The following CASK variants were observed in gnomAD, a reference collection of about 807,000 sequenced individuals.
CASK encodes calcium/calmodulin dependent serine protein kinase.
In CASK, 4 loss-of-function variants were observed where a neutral mutation model predicts 82.9. The observed-to-expected ratio is 0.05, with a 90% CI of 0.02 to 0.11. CASK has a LOEUF of 0.11. CASK is among the 10% of genes least tolerant of loss of function. CASK has a pLI of 1.00. For synonymous variants in CASK, 259 were observed against 253.5 expected (o/e 1.02, Z -0.20); for missense variants, 358 against 720.9 (o/e 0.50, Z 5.76).
At chrX:41,525,011 T>C (rs2147070546) in intron 25 of CASK, among the ~76,000 whole-genome samples, 1 of 111,853 alleles carries the variant, frequency 8.9e-6, no homozygotes, top group South Asian at 3.8e-4. Flanking sequence ...GTCTTTAAAT[T>C]TGCTTGCTTC....
intron 16 of CASK, among the ~76,000 whole-genome samples, chrX:41,568,999 A>C (rs1440906734): frequency 9.0e-6 from 1 of 111,451 alleles, no homozygotes; most frequent in Non-Finnish European, 1.9e-5. Context: ...GTCTCAAAAA[A>C]AACCCCCACA....
intron 8 of CASK, among the ~76,000 whole-genome samples, chrX:41,654,844 T>C (rs943809303): frequency 1.8e-5 from 2 of 111,098 alleles, no homozygotes; most frequent in African/African-American, 3.3e-5. Flanking sequence ...TTTGGAGAAA[T>C]TGAAAAAGTC....
chrX:41,906,543 C>T (rs1163846250), intron 1 of CASK, among the ~76,000 whole-genome samples: 1 of 112,422 alleles, frequency 8.9e-6, no homozygotes, highest in Admixed American at 9.4e-5. Context: ...AAGTAGCACC[C>T]GGCTCCTAAG....
chrX:41,566,465 T>C (rs1464431407), intron 16 of CASK, among the ~76,000 whole-genome samples: 1 of 111,619 alleles, frequency 9.0e-6, no homozygotes, highest in Non-Finnish European at 1.9e-5. Flanking sequence ...AGCCAAATCA[T>C]GAGTGAACTC....
At chrX:41,746,692 C>G (rs1458198447) in intron 3 of CASK, among the ~76,000 whole-genome samples, 1 of 111,580 alleles carries the variant, frequency 9.0e-6, no homozygotes, top group African/African-American at 3.3e-5. Flanking sequence ...CCCAATATAC[C>G]TGCTGCAGAT....
chrX:41,691,840 CAA>C (rs397895684), intron 5 of CASK, among the ~76,000 whole-genome samples: 2 of 28,484 alleles, frequency 7.0e-5, no homozygotes, highest in Non-Finnish European at 1.1e-4. Flanking sequence ...GACTCTGTCT[CAA>C]AAAAAAAAAA....
intron 5 of CASK, among the ~76,000 whole-genome samples, chrX:41,680,183 C>CA (rs1249667322): frequency 0.028 from 2,249 of 79,826 alleles, 61 homozygotes; most frequent in African/African-American, 0.083. Context: ...GACCTTGTCT[C>CA]AAAAAAAAAA....
At chrX:41,804,744 T>C (rs1276198120) in intron 2 of CASK, among the ~76,000 whole-genome samples, 1 of 111,979 alleles carries the variant, frequency 8.9e-6, no homozygotes, top group African/African-American at 3.2e-5. Flanking sequence ...AATGCTGATG[T>C]AATTTGCTGG....
chrX:41,805,022 C>T (rs763428819), intron 2 of CASK, among the ~76,000 whole-genome samples: 2 of 112,002 alleles, frequency 1.8e-5, no homozygotes, highest in African/African-American at 6.5e-5. Flanking sequence ...TGTCTCAATT[C>T]ATAAGGAGCT....
intron 8 of CASK, among the ~76,000 whole-genome samples, chrX:41,650,073 C>A (rs185909804): frequency 0.12 from 13,056 of 108,237 alleles, 724 homozygotes; most frequent in Middle Eastern, 0.18. Context: ...AGGATTGCAA[C>A]CCCTGCTTTT....
At chrX:41,558,669 C>T (rs2065188902) in intron 18 of CASK, 1 of 111,410 alleles carries the variant, frequency 9.0e-6, no homozygotes, top group Non-Finnish European at 1.9e-5. Flanking sequence ...TTGAAATATA[C>T]TATTAATTGA....
chrX:41,621,047 C>T (rs1322287943), intron 11 of CASK, among the ~76,000 whole-genome samples: 1 of 110,449 alleles, frequency 9.1e-6, no homozygotes, highest in Non-Finnish European at 1.9e-5. Context: ...TCGTGTAAAG[C>T]TTTACAACTA....
chrX:41,910,676 T>C (rs1480645634), intron 1 of CASK, among the ~76,000 whole-genome samples: 1 of 111,816 alleles, frequency 8.9e-6, no homozygotes, highest in Non-Finnish European at 1.9e-5. Context: ...TCACAGATTA[T>C]GGAAGTATGA....
rs145216684 is a variant in CASK at position 41,901,883 on chromosome X, G to A, written c.59+21047C>T. ...AGCCTGAGTCTTAAGGGACTAGCCT[G>A]GTGCTAGAATGAGCCTGGCACCTGG... On this transcript the variant is annotated intron_variant, in intron 1 of 26. Transcript: ENST00000378163. Among the ~76,000 whole-genome samples, 24 of 112,047 alleles carry A rather than the reference G, an allele frequency of 2.1e-4. No homozygotes were observed. The East Asian group carries it at 6.5e-3, about 30-fold the overall frequency.
chrX:41,612,902 G>A (rs1324775774), intron 11 of CASK, among the ~76,000 whole-genome samples: 1 of 97,832 alleles, frequency 1.0e-5, no homozygotes, highest in Non-Finnish European at 2.1e-5. Flanking sequence ...CCCCCCGCCC[G>A]GCCAGCCGCC....
intron 5 of CASK, among the ~76,000 whole-genome samples, chrX:41,693,529 G>A (rs975368384): frequency 1.8e-5 from 2 of 111,061 alleles, no homozygotes; most frequent in Non-Finnish European, 3.8e-5. Flanking sequence ...CAGGAGAATC[G>A]CTTGAAGCCA....
chrX:41,818,511 G>C (rs1024935336), intron 2 of CASK, among the ~76,000 whole-genome samples: 1 of 110,050 alleles, frequency 9.1e-6, no homozygotes, highest in Non-Finnish European at 1.9e-5. Context: ...GCTGAGGTGG[G>C]AGGATTGATT....
chrX:41,726,209 A>C (rs1265674523), intron 5 of CASK, among the ~76,000 whole-genome samples: 1 of 112,706 alleles, frequency 8.9e-6, no homozygotes, highest in East Asian at 2.8e-4. Flanking sequence ...TTAGCCTCCC[A>C]AAGTGCTGAG....
intron 8 of CASK, among the ~76,000 whole-genome samples, chrX:41,653,652 T>G (rs2066895117): frequency 8.9e-6 from 1 of 111,937 alleles, no homozygotes; most frequent in African/African-American, 3.2e-5. Flanking sequence ...GTAGTTGATG[T>G]GAGGGAAGGG....
Sources: gnomAD v4.1 joint callset for allele counts (sites outside exome capture counted in the v4.1 genomes callset) on GRCh38, gnomAD v4.1.1 for gene constraint, MANE v1.5 for transcripts, NCBI Gene and HGNC (gene_info 2026-07-23, HGNC 2026-07-21) for gene names.